Variants in ARMH4 observed in about 807,000 individuals in gnomAD.
The protein encoded by ARMH4 is armadillo-like helical domain-containing protein 4.
A neutral mutation model predicts 61.9 loss-of-function variants in ARMH4; 49 were observed. The ratio of observed to expected loss-of-function variants is 0.79; its 90% CI spans 0.63 to 1.00. The LOEUF (loss-of-function observed/expected upper bound fraction) is 1.00. Ranked by LOEUF, ARMH4 falls within the 50% of genes least tolerant of loss-of-function variation. The pLI, the probability that ARMH4 is intolerant of heterozygous loss-of-function variation, is 0.00. For synonymous variants in ARMH4, 368 were observed against 341.5 expected (o/e 1.08, Z -0.85); for missense variants, 934 against 930.0 (o/e 1.00, Z -0.06).
rs536143502 is a variant in ARMH4, at chr14:58,091,974, T to C, written c.2089+4750A>G. Among the ~76,000 whole-genome samples the C allele has an allele frequency of 5.9e-5, 9 of 152,332 alleles. No individual in the cohort carries two copies. In the South Asian group the frequency reaches 1.9e-3, roughly 32 times the overall value. Reference sequence around the variant, plus strand: ...TCCAAAGCTTCAGAGGCAATGCATATGTAACAGTGCAGAAAACAGAAGTAC... The same window carrying C: ...TCCAAAGCTTCAGAGGCAATGCATACGTAACAGTGCAGAAAACAGAAGTAC... On this transcript the variant is annotated intron_variant, in intron 5 of 7. Coordinates refer to ENST00000267485, the MANE Select transcript of ARMH4 (RefSeq NM_001001872.4).
chr14:58,051,268 A>G (rs543741121), intron 5 of ARMH4, among the ~76,000 whole-genome samples: 17 of 152,144 alleles, frequency 1.1e-4, no homozygotes, highest in Non-Finnish European at 2.1e-4. Context: ...GGGCCAGCTG[A>G]TGACTTCAGA....
intron 6 of ARMH4, among the ~76,000 whole-genome samples, chr14:58,009,802 C>A: frequency 1.0e-5 from 1 of 95,610 alleles, no homozygotes; most frequent in Admixed American, 1.4e-4. Flanking sequence ...CAGAGCAAGA[C>A]TCTGCAAAAA....
intron 5 of ARMH4, among the ~76,000 whole-genome samples, chr14:58,013,320 G>T (rs1297613061): frequency 1.3e-5 from 2 of 152,110 alleles, no homozygotes; most frequent in Non-Finnish European, 2.9e-5. Context: ...TTTATTTATG[G>T]ATATTAAAAT....
At chr14:58,145,013 C>A (rs902839750) in intron 1 of ARMH4, among the ~76,000 whole-genome samples, 9 of 152,198 alleles carry the variant, frequency 5.9e-5, no homozygotes, top group African/African-American at 2.2e-4. Flanking sequence ...CTATAGAACT[C>A]TGTGGTTCAT....
chr14:58,061,686 C>T (rs748799025), intron 5 of ARMH4, among the ~76,000 whole-genome samples: 15 of 152,042 alleles, frequency 9.9e-5, no homozygotes, highest in Non-Finnish European at 1.2e-4. Flanking sequence ...TTTTGCAGCA[C>T]CTTATGAATA....
At chr14:58,085,974 T>G (rs1000396555) in intron 5 of ARMH4, among the ~76,000 whole-genome samples, 3 of 152,230 alleles carry the variant, frequency 2.0e-5, no homozygotes, top group African/African-American at 7.2e-5. Flanking sequence ...AAAGAAGACT[T>G]GATTCTCAGA....
intron 2 of ARMH4, among the ~76,000 whole-genome samples, chr14:58,137,429 C>T (rs1232847656): frequency 1.3e-5 from 2 of 152,036 alleles, no homozygotes; most frequent in African/African-American, 4.8e-5. Context: ...GGGAGTTTCA[C>T]TCTTGTCACC....
At position 58,073,288 on chromosome 14, in the gene ARMH4, C is replaced by G. The variant is rs142864807; in HGVS notation, c.2089+23436G>C. On this transcript the variant is annotated intron_variant, in intron 5 of 7. Coordinates refer to ENST00000267485, the MANE Select transcript of ARMH4 (RefSeq NM_001001872.4). ...TAAAAAATAAAAAACTGTTGTTTTT[C>G]TAGTGTCCCTTGTTCACTTAAGAAG... is the stretch of plus-strand genomic sequence containing the variant. 1.8e-3 allele frequency among the ~76,000 whole-genome samples: 281 copies of G among 152,296 alleles called. 2 individuals are homozygous for G. Among genetic ancestry groups the G allele is most frequent in the African/African-American group, 6.6e-3 (276 of 41,560 alleles).
At chr14:58,096,678 A>G in intron 5 of ARMH4, 46 bp downstream of exon 5, 1 of 1,578,120 alleles carries the variant, frequency 6.3e-7, no homozygotes, top group Non-Finnish European at 8.6e-7. Flanking sequence ...GAGAAATATA[A>G]AAGGAGGGGA....
At chr14:58,105,321 A>G (rs1239757091) in intron 4 of ARMH4, among the ~76,000 whole-genome samples, 2 of 152,212 alleles carry the variant, frequency 1.3e-5, no homozygotes, top group Non-Finnish European at 1.5e-5. Context: ...GAATGGGGTC[A>G]AGGTAAAAGA....
chr14:58,138,414 A>G lies in ARMH4; in HGVS notation c.945T>C (p.Asp315=). Residue 315 remains aspartate, a synonymous_variant, in exon 2 of 8, where the codon GAT becomes GAC. Coordinates refer to ENST00000267485, the MANE Select transcript of ARMH4 (RefSeq NM_001001872.4). Reference sequence around the variant, plus strand: ...GGCTTACACTCTCTAATTTGGTGTCATCCCACTCATCACTTAAGGCAGAGG... The same window carrying G: ...GGCTTACACTCTCTAATTTGGTGTCGTCCCACTCATCACTTAAGGCAGAGG... The part of the protein sequence containing the change: ...PAASALSDEW[D]DTKLESVSRI... 6.2e-7 allele frequency: 1 copy of G among 1,614,232 alleles called. No homozygotes were observed. Among genetic ancestry groups the G allele is most frequent in the Non-Finnish European group, 8.5e-7 (1 of 1,180,050 alleles).
In ARMH4 at chr14:58,003,249, T is replaced by A. The variant is rs886108006; in HGVS notation, c.*1487A>T. The A allele has an allele frequency of 2.0e-5, 3 of 152,234 alleles. No homozygotes were observed. Among genetic ancestry groups the A allele is most frequent in the Non-Finnish European group, 4.4e-5 (3 of 68,038 alleles). The allele number at this position is 152,234 out of a possible 1,614,324, so 9.4% of individuals were successfully genotyped here. ...AAAGTCTATGAAAAGGTTACTGAACTGAAGATAAGGGTGCATGGCTGGGTC... is the reference window on the plus strand; with the variant it reads ...AAAGTCTATGAAAAGGTTACTGAACAGAAGATAAGGGTGCATGGCTGGGTC... On this transcript the variant is annotated 3_prime_UTR_variant, in exon 8 of 8. Coordinates refer to ENST00000267485, the MANE Select transcript of ARMH4 (RefSeq NM_001001872.4).
In ARMH4 at chr14:58,005,090, C is replaced by A. The variant is rs1882113457; in HGVS notation, c.2214G>T (p.Met738Ile). 3 of 1,614,054 alleles carry A rather than the reference C, an allele frequency of 1.9e-6. No homozygotes were observed. The highest frequency in any genetic ancestry group is 3.3e-4 in the Middle Eastern group (2 of 6,060). Reference protein sequence around the residue: ...ILGALYSIKVMNRRRRNGFKR... With the variant: ...ILGALYSIKVINRRRRNGFKR... ...TGAAGCCATTTCTCCTTCGGCGATT[C>A]ATAACCTTAATGCTGTAGAGGGCTC... The change falls in exon 7 of 8, where the codon ATG (methionine) becomes ATT (isoleucine). Residue 738 changes from methionine to isoleucine, a missense_variant. Physicochemically the swap from Met to Ile is conservative, Grantham distance 10. Coordinates refer to ENST00000267485, the MANE Select transcript of ARMH4 (RefSeq NM_001001872.4).
chr14:58,061,253 G>A (rs73308351), intron 5 of ARMH4, among the ~76,000 whole-genome samples: 1,964 of 152,198 alleles, frequency 0.013, 47 homozygotes, highest in African/African-American at 0.044. Flanking sequence ...TAGGACGAGC[G>A]ACCTTTCCTG....
chr14:58,040,556 G>A (rs751662388), intron 5 of ARMH4, among the ~76,000 whole-genome samples: 3 of 152,118 alleles, frequency 2.0e-5, no homozygotes, highest in Non-Finnish European at 4.4e-5. Flanking sequence ...TCTTTACCCA[G>A]TCTACCACTG....
chr14:58,135,946 AC>A (rs1887286496), intron 2 of ARMH4, among the ~76,000 whole-genome samples: 1 of 152,036 alleles, frequency 6.6e-6, no homozygotes, highest in Admixed American at 6.6e-5. Flanking sequence ...ACTCTATGGG[AC>A]AAAAAAAAAA....
chr14:58,125,130 A>T (rs1886856656), intron 4 of ARMH4, among the ~76,000 whole-genome samples: 1 of 151,954 alleles, frequency 6.6e-6, no homozygotes. Flanking sequence ...ATAGAAGGAA[A>T]CCACCAAGTG....
At chr14:58,072,769 T>A (rs1032188813) in intron 5 of ARMH4, among the ~76,000 whole-genome samples, 1 of 152,064 alleles carries the variant, frequency 6.6e-6, no homozygotes, top group South Asian at 2.1e-4. Context: ...TTTAGTTGAC[T>A]GCAGCGACAC....
At chr14:58,042,447 G>A (rs1047945059) in intron 5 of ARMH4, among the ~76,000 whole-genome samples, 2 of 152,132 alleles carry the variant, frequency 1.3e-5, no homozygotes, top group African/African-American at 4.8e-5. Context: ...CACATTCAAA[G>A]CAGTGTGTAG....
Sources: allele counts gnomAD v4.1 joint callset (sites outside exome capture counted in the v4.1 genomes callset), GRCh38; gene constraint gnomAD v4.1.1; transcripts MANE v1.5; gene names NCBI Gene and HGNC (gene_info 2026-07-23, HGNC 2026-07-21).